UNC5B: variants seen among roughly 807,000 people sequenced by gnomAD.
UNC5B encodes the protein netrin receptor UNC5B.
In UNC5B, 56 loss-of-function variants were observed where a neutral mutation model predicts 103.7. That is an observed-to-expected ratio of 0.54 (90% CI 0.44 to 0.67). The LOEUF is 0.67. Among genes scored for constraint, UNC5B ranks in the 30% least tolerant of loss-of-function variants. The probability of loss-of-function intolerance (pLI) is 0.00; values close to 1 mark genes in which losing one functional copy is unlikely to be tolerated. For synonymous variants in UNC5B, 577 were observed against 542.0 expected (o/e 1.06, Z -0.90); for missense variants, 1,194 against 1,284.5 (o/e 0.93, Z 1.08).
rs557268489 is a variant in UNC5B at position 71,285,342 on chromosome 10, C to T, written c.465C>T (p.Phe155=). The T allele has an allele frequency of 4.3e-6, 7 of 1,610,934 alleles. No individual in the cohort carries two copies. The highest frequency in any genetic ancestry group is 2.7e-5 in the African/African-American group (2 of 75,056). The change falls in exon 4 of 17, where the codon TTC becomes TTT. Residue 155 remains phenylalanine, a synonymous_variant. Transcript: ENST00000335350. ...YVRIAYLRKN[F]DQEPLGKEVP... ...TTCTCCCAGACCTGCGCAAGAACTTCGATCAGGAGCCTCTGGGCAAGGAGG... is the reference window on the plus strand; with the variant it reads ...TTCTCCCAGACCTGCGCAAGAACTTTGATCAGGAGCCTCTGGGCAAGGAGG...
Position 71,285,391 on chromosome 10 carries a change from C to A in UNC5B, c.514C>A (p.Leu172Met). 6.2e-7 allele frequency: 1 copy of A among 1,609,122 alleles called. No individual in the cohort carries two copies. Among genetic ancestry groups the A allele is most frequent in the South Asian group, 1.1e-5 (1 of 89,828 alleles). ...GGTGCCCCTGGACCATGAGGTTCTCCTGCAGTGCCGCCCGCCGGAGGGGGT... is the reference window on the plus strand; with the variant it reads ...GGTGCCCCTGGACCATGAGGTTCTCATGCAGTGCCGCCCGCCGGAGGGGGT... ...KEVPLDHEVL[L>M]QCRPPEGVPV... The change falls in exon 4 of 17, where the codon CTG becomes ATG. Residue 172 changes from leucine (L) to methionine (M), a missense_variant. Transcript: ENST00000335350.
chr10:71,240,628 A>G (rs1589158974), intron 1 of UNC5B, among the ~76,000 whole-genome samples: 1 of 152,294 alleles, frequency 6.6e-6, no homozygotes, highest in East Asian at 1.9e-4. Flanking sequence ...GCTACCAGCA[A>G]TGATTTCCTC....
intron 1 of UNC5B, among the ~76,000 whole-genome samples, chr10:71,277,458 GC>G (rs1844799176): frequency 6.6e-6 from 1 of 152,240 alleles, no homozygotes; most frequent in South Asian, 2.1e-4. Context: ...TGGGCATGGA[GC>G]CTGGCAGGTT....
At chr10:71,225,746 G>C (rs940187771) in intron 1 of UNC5B, among the ~76,000 whole-genome samples, 1 of 152,214 alleles carries the variant, frequency 6.6e-6, no homozygotes, top group Non-Finnish European at 1.5e-5. Flanking sequence ...TCTCTGAGTT[G>C]CTCCCACACT....
chr10:71,290,740 TAGAG>T (rs1026751374), intron 8 of UNC5B, among the ~76,000 whole-genome samples, 171 bp from the exon 9 acceptor site: 2 of 152,152 alleles, frequency 1.3e-5, no homozygotes, highest in Non-Finnish European at 2.9e-5. Context: ...ATTTTACCGA[TAGAG>T]AGGTTCAAGG....
chr10:71,284,594 A>G, intron 2 of UNC5B, 126 bp from the exon 3 acceptor site: 1 of 1,375,264 alleles, frequency 7.3e-7, no homozygotes, highest in Non-Finnish European at 9.9e-7. Context: ...AGGAGACAAG[A>G]GGAATGGAGG....
At chr10:71,227,701 C>CATATATAA (rs1564707092) in intron 1 of UNC5B, among the ~76,000 whole-genome samples, 1 of 115,582 alleles carries the variant, frequency 8.7e-6, no homozygotes, top group African/African-American at 3.8e-5. Flanking sequence ...TATATATACA[C>CATATATAA]ACATATACAC....
Position 71,213,309 on chromosome 10 carries a change from C to T in UNC5B, c.79+245C>T, listed in dbSNP as rs1397803897. Among the ~76,000 whole-genome samples the T allele has an allele frequency of 6.6e-6, 1 of 152,160 alleles. No individual in the cohort carries two copies. The highest frequency in any genetic ancestry group is 2.1e-4 in the South Asian group (1 of 4,830). ...TCCCTGCTCGCTCCTGAAAGGGATC[C>T]CTTCTTCTCCCTGGAAGGGGTGTAG... On this transcript the variant is annotated intron_variant, in intron 1 of 16. Transcript: ENST00000335350. This position sits in a 1 kb window ranked among gnomAD's most constrained non-coding sequence, Gnocchi z 4.1.
intron 1 of UNC5B, among the ~76,000 whole-genome samples, chr10:71,237,977 G>A (rs1843810647): frequency 6.6e-6 from 1 of 152,138 alleles, no homozygotes; most frequent in African/African-American, 2.4e-5. Flanking sequence ...GGGGCTTCCT[G>A]TGTCTTCCCA....
chr10:71,221,404 C>G (rs1164614907), intron 1 of UNC5B, among the ~76,000 whole-genome samples: 1 of 152,276 alleles, frequency 6.6e-6, no homozygotes, highest in East Asian at 1.9e-4. Context: ...GCCTGGCCCC[C>G]GTGTCATGCA....
chr10:71,252,589 G>A (rs1278502149), intron 1 of UNC5B, among the ~76,000 whole-genome samples: 1 of 152,228 alleles, frequency 6.6e-6, no homozygotes, highest in East Asian at 1.9e-4. Context: ...GCCAGGCACT[G>A]CGCGAGCTTG....
At position 71,286,875 on chromosome 10, in the gene UNC5B, G is replaced by T. The variant is rs765416442; in HGVS notation, c.733+6G>T. ...TGCCACCGTCATCGTCTACGGTGCG[G>T]GCCTTTCGGAGTGGGAGGGGCAGAC... On this transcript the variant is annotated splice_donor_region_variant and intron_variant, in intron 5 of 16. Transcript: ENST00000335350. 1.2e-6 allele frequency: 2 copies of T among 1,612,322 alleles called. No individual in the cohort carries two copies. The highest frequency in any genetic ancestry group is 3.3e-5 in the Admixed American group (2 of 59,978).
chr10:71,270,909 C>T (rs955268892), intron 1 of UNC5B, among the ~76,000 whole-genome samples: 5 of 152,136 alleles, frequency 3.3e-5, no homozygotes, highest in Admixed American at 2.0e-4. Context: ...TTAACAAAGG[C>T]CCACCCTGAG....
Position 71,287,682 on chromosome 10 carries a change from G to C in UNC5B, c.818G>C (p.Cys273Ser). 6.2e-7 allele frequency: 1 copy of C among 1,613,162 alleles called. No individual in the cohort carries two copies. Among genetic ancestry groups the C allele is most frequent in the Non-Finnish European group, 8.5e-7 (1 of 1,179,622 alleles). ...GGCTGGCAGAAGCGCACCCGGACCT[G>C]CACCAACCCCGCTCCACTCAACGGA... ...GRGWQKRTRT[C>S]TNPAPLNGGA... Residue 273 changes from cysteine to serine, a missense_variant, in exon 6 of 17, where the codon TGC becomes TCC. Cys to Ser is a moderately radical substitution (Grantham distance 112). Coordinates refer to ENST00000335350, the MANE Select transcript of UNC5B (RefSeq NM_170744.5).
chr10:71,290,822 C>T, intron 8 of UNC5B, 93 bp from the exon 9 acceptor site: 1 of 1,457,216 alleles, frequency 6.9e-7, no homozygotes, highest in Non-Finnish European at 9.1e-7. Context: ...CCGGTTGGCC[C>T]TGGGCCCTGC....
chr10:71,266,583 CCTT>C (rs1378941904), intron 1 of UNC5B, among the ~76,000 whole-genome samples: 3 of 152,212 alleles, frequency 2.0e-5, no homozygotes, highest in Non-Finnish European at 2.9e-5. Flanking sequence ...TTCATTCCCT[CCTT>C]CTAGCTTGCA....
At chr10:71,273,173 G>A (rs1287801590) in intron 1 of UNC5B, among the ~76,000 whole-genome samples, 3 of 152,268 alleles carry the variant, frequency 2.0e-5, no homozygotes, top group African/African-American at 7.2e-5. Context: ...ATAGGCGTGA[G>A]CCGCCGCGCC....
intron 1 of UNC5B, among the ~76,000 whole-genome samples, chr10:71,266,628 G>C (rs1011144920): frequency 6.6e-6 from 1 of 152,212 alleles, no homozygotes; most frequent in East Asian, 1.9e-4. Flanking sequence ...TCATCACAGA[G>C]TGGGCCAAGG....
At chr10:71,287,988 C>G (rs1267479455) in intron 6 of UNC5B, among the ~76,000 whole-genome samples, 3 of 152,142 alleles carry the variant, frequency 2.0e-5, no homozygotes, top group African/African-American at 4.8e-5. Context: ...GAGGGTTAGC[C>G]CCTTCTCCCT....
Sources: gnomAD v4.1 joint callset for allele counts (sites outside exome capture counted in the v4.1 genomes callset) on GRCh38, gnomAD v4.1.1 for gene constraint, Gnocchi (gnomAD v3.1) non-coding constraint, MANE v1.5 for transcripts, NCBI Gene and HGNC (gene_info 2026-07-23, HGNC 2026-07-21) for gene names.